The following HEATR5A variants were observed in gnomAD, a reference collection of about 807,000 sequenced individuals.
HEATR5A encodes the protein HEAT repeat containing 5A.
Under a neutral mutation model 218.8 loss-of-function variants are expected in HEATR5A, and 178 were observed. The ratio of observed to expected loss-of-function variants is 0.81; its 90% CI spans 0.72 to 0.92. The LOEUF is 0.92. HEATR5A is among the 40% of genes least tolerant of loss of function. HEATR5A has a pLI of 0.00. For missense variants in HEATR5A, 2,420 were observed against 2,418.9 expected, an observed-to-expected ratio of 1.00 and a Z score of -0.01; for synonymous variants, 864 against 871.6, an observed-to-expected ratio of 0.99 and a Z score of 0.15.
At position 31,402,108 on chromosome 14, in the gene HEATR5A, C is replaced by G. The variant is rs1403725830; in HGVS notation, c.126+742G>C. Among the ~76,000 whole-genome samples, 5 of 152,220 alleles carry G rather than the reference C, an allele frequency of 3.3e-5. No individual in the cohort carries two copies. The East Asian group carries it at 9.6e-4, about 29-fold the overall frequency. On this transcript the variant is annotated intron_variant, in intron 2 of 35. Transcript: ENST00000543095. ...TTGATAACTAGAGTCACACAGCTCC[C>G]TGTTGTCTCAGAACAAGAATGTGTT...
At chr14:31,356,297 C>T (rs1901424416) in intron 16 of HEATR5A, among the ~76,000 whole-genome samples, 1 of 152,094 alleles carries the variant, frequency 6.6e-6, no homozygotes, top group Admixed American at 6.6e-5. Context: ...AGTGCAGTGG[C>T]GAGATCTTGG....
chr14:31,312,529 C>T (rs1489173627), intron 28 of HEATR5A, among the ~76,000 whole-genome samples: 2 of 151,828 alleles, frequency 1.3e-5, no homozygotes, highest in Non-Finnish European at 2.9e-5. Flanking sequence ...CCTCCTGCCT[C>T]AGCCTCCCGA....
rs1404825814 is a variant in HEATR5A, at chr14:31,383,632, A to T, written c.1485T>A (p.Leu495=). ...CTTCAGGTGAAGACTTATGTCCAGT[A>T]AGCCGTTCAAGGCAACGATCCAAGA... The part of the protein sequence containing the change: ...TPLLDRCLER[L]TGHKSSPEAV... Residue 495 remains leucine, a synonymous_variant, in exon 10 of 36, where the codon CTT becomes CTA. Coordinates refer to ENST00000543095, the MANE Select transcript of HEATR5A (RefSeq NM_015473.4). The T allele has an allele frequency of 1.2e-6, 2 of 1,614,018 alleles. No individual in the cohort carries two copies. Among genetic ancestry groups the T allele is most frequent in the East Asian group, 4.5e-5 (2 of 44,882 alleles).
intron 33 of HEATR5A, chr14:31,297,289 A>C: frequency 6.6e-6 from 1 of 152,462 alleles, no homozygotes; most frequent in Admixed American, 6.5e-5. Context: ...CCGTCTCAAT[A>C]AAAACAAAAC....
chr14:31,312,469 G>A (rs1296958217), intron 28 of HEATR5A, among the ~76,000 whole-genome samples: 6 of 150,776 alleles, frequency 4.0e-5, no homozygotes, highest in Middle Eastern at 3.4e-3. Context: ...CTGGAGTGCA[G>A]TGGCACGATC....
intron 1 of HEATR5A, among the ~76,000 whole-genome samples, chr14:31,408,503 A>G (rs1300845604): frequency 6.6e-6 from 1 of 152,176 alleles, no homozygotes; most frequent in Non-Finnish European, 1.5e-5. Flanking sequence ...GCTGATAAGA[A>G]TACTATTTTA....
chr14:31,347,973 C>T lies in HEATR5A; in HGVS notation c.2709-66G>A, dbSNP rs1013863928. The T allele has an allele frequency of 7.8e-5, 78 of 995,718 alleles. No individual in the cohort carries two copies. The African/African-American group carries it at 1.2e-3, about 15-fold the overall frequency. The allele number at this position is 995,718 out of a possible 1,614,324, so 61.7% of individuals were successfully genotyped here. On this transcript the variant is annotated intron_variant, in intron 18 of 35. Transcript: ENST00000543095. ...AAGAAAAAAAACACAAAAACTAATGCATGTACACTGTCACTTAGGCAAAAC... is the reference window on the plus strand; with the variant it reads ...AAGAAAAAAAACACAAAAACTAATGTATGTACACTGTCACTTAGGCAAAAC...
intron 1 of HEATR5A, among the ~76,000 whole-genome samples, chr14:31,419,520 T>C (rs1002097521): frequency 1.2e-4 from 18 of 152,356 alleles, no homozygotes; most frequent in Admixed American, 3.3e-4. Context: ...GGCCCCTTTT[T>C]TTCCTCCTTA....
intron 1 of HEATR5A, among the ~76,000 whole-genome samples, chr14:31,408,947 C>T (rs1476822948): frequency 1.1e-4 from 1 of 8,974 alleles, no homozygotes; most frequent in African/African-American, 1.2e-4. Flanking sequence ...AAAAATTAGC[C>T]GGGAGGCTGA....
intron 30 of HEATR5A, 107 bp downstream of exon 30, chr14:31,307,785 GA>G: frequency 8.4e-6 from 11 of 1,312,366 alleles, no homozygotes; most frequent in East Asian, 2.4e-5. Context: ...GTATGGTTTA[GA>G]AAAAAAATTT....
Position 31,387,383 on chromosome 14 carries a change from G to C in HEATR5A, c.934-8C>G, listed in dbSNP as rs2030269521. 6.3e-7 allele frequency: 1 copy of C among 1,597,112 alleles called. No homozygotes were observed. Among genetic ancestry groups the C allele is most frequent in the Non-Finnish European group, 8.5e-7 (1 of 1,169,908 alleles). Reference sequence around the variant, plus strand: ...AACAAATACCACATAAGCCTAAAAAGGAAAAGAGTTTTATTTTCAATATTA... The same window carrying C: ...AACAAATACCACATAAGCCTAAAAACGAAAAGAGTTTTATTTTCAATATTA... On this transcript the variant is annotated splice_region_variant and splice_polypyrimidine_tract_variant and intron_variant, in intron 7 of 35. Coordinates refer to ENST00000543095, the MANE Select transcript of HEATR5A (RefSeq NM_015473.4).
intron 16 of HEATR5A, 110 bp from the exon 17 acceptor site, chr14:31,350,827 G>C: frequency 3.1e-6 from 2 of 652,314 alleles, no homozygotes; most frequent in Non-Finnish European, 5.4e-6. Context: ...ACCCAGGCTA[G>C]AGTATACTGG....
intron 6 of HEATR5A, 66 bp downstream of exon 6, chr14:31,393,986 T>A: frequency 9.5e-7 from 1 of 1,050,614 alleles, no homozygotes; most frequent in Non-Finnish European, 1.4e-6. Context: ...ACACTATACA[T>A]ATTTGTTTAT....
chr14:31,403,849 T>G (rs1473936476), intron 1 of HEATR5A, among the ~76,000 whole-genome samples: 1 of 152,224 alleles, frequency 6.6e-6, no homozygotes, highest in Non-Finnish European at 1.5e-5. Flanking sequence ...TATAAGTGTA[T>G]GTATATACAT....
rs763879862 is a variant in HEATR5A at position 31,309,005 on chromosome 14, T to C, written c.4619A>G (p.Gln1540Arg). ...SRPVTPTSMC[Q>R]GSSSGATIKS... ...TATGGTAGCCCCAGATGATGAACCCTGACACATGGAAGTTGGTGTTACAGG... is the reference window on the plus strand; with the variant it reads ...TATGGTAGCCCCAGATGATGAACCCCGACACATGGAAGTTGGTGTTACAGG... Residue 1540 changes from glutamine (Q) to arginine (R), a missense_variant, in exon 29 of 36, where the codon CAG becomes CGG. Physicochemically the swap from Gln to Arg is conservative, Grantham distance 43 (BLOSUM62 1). Transcript: ENST00000543095. 1.9e-6 allele frequency: 3 copies of C among 1,613,886 alleles called. No homozygotes were observed. The highest frequency in any genetic ancestry group is 2.5e-6 in the Non-Finnish European group (3 of 1,179,804).
intron 20 of HEATR5A, 130 bp from the exon 21 acceptor site, chr14:31,344,195 A>G: frequency 2.3e-6 from 1 of 441,814 alleles, no homozygotes; most frequent in South Asian, 9.1e-5. Context: ...TACAGTCACT[A>G]CAAATCTGTG....
chr14:31,400,540 T>C (rs2030832049), intron 2 of HEATR5A, 28 bp from the exon 3 acceptor site: 3 of 1,400,136 alleles, frequency 2.1e-6, no homozygotes, highest in Middle Eastern at 1.8e-4. Context: ...ACAAAGACAA[T>C]TCAAAGTCAA....
intron 6 of HEATR5A, among the ~76,000 whole-genome samples, chr14:31,389,738 G>A (rs1348750276): frequency 6.6e-6 from 1 of 152,008 alleles, no homozygotes; most frequent in Non-Finnish European, 1.5e-5. Context: ...ATAAACTTTT[G>A]TTACAGTTAT....
At position 31,347,950 on chromosome 14, in the gene HEATR5A, GA is replaced by G. The variant is rs754873403; in HGVS notation, c.2709-44del. ...AAAATAAACGGTAATCACTGCAAAA[GA>G]AAAAAAACACAAAAACTAATGCATG... On this transcript the variant is annotated intron_variant, in intron 18 of 35. Transcript: ENST00000543095. 59 of 1,257,398 alleles carry G rather than the reference GA, an allele frequency of 4.7e-5. 1 individual carries two copies. The highest frequency in any genetic ancestry group is 3.6e-4 in the South Asian group (17 of 47,410). The allele number at this position is 1,257,398 out of a possible 1,614,324, so 77.9% of individuals were successfully genotyped here.
Sources: gnomAD v4.1 joint callset for allele counts (sites outside exome capture counted in the v4.1 genomes callset) on GRCh38, gnomAD v4.1.1 for gene constraint, MANE v1.5 for transcripts, NCBI Gene and HGNC (gene_info 2026-07-23, HGNC 2026-07-21) for gene names.